Variants in LRRTM4 observed in about 807,000 individuals in gnomAD.
LRRTM4 encodes leucine-rich repeat transmembrane neuronal protein 4.
In LRRTM4, 25 loss-of-function variants were observed where a neutral mutation model predicts 47.6. The ratio of observed to expected loss-of-function variants is 0.53; its 90% confidence interval spans 0.38 to 0.73. LRRTM4 has a LOEUF of 0.73. LRRTM4 is among the 30% of genes least tolerant of loss of function. The pLI is 0.00. For synonymous variants in LRRTM4, 311 were observed against 269.5 expected, an observed-to-expected ratio of 1.15 and a Z score of -1.51; for missense variants, 638 against 713.4, an observed-to-expected ratio of 0.89 and a Z score of 1.20.
At chr2:76,769,984 AC>A (rs1290593149) in intron 3 of LRRTM4, among the ~76,000 whole-genome samples, 1 of 152,164 alleles carries the variant, frequency 6.6e-6, no homozygotes, top group African/African-American at 2.4e-5. Flanking sequence ...ACTCGATCAA[AC>A]CTCTGGGCTT....
Position 77,036,885 on chromosome 2 carries a change from G to T in LRRTM4, c.1552-287969C>A, listed in dbSNP as rs1234566749. On this transcript the variant is annotated intron_variant, in intron 3 of 3. Transcript: ENST00000409884. ...TTAAATCAATCTGCTGATCAAGAAA[G>T]ACATATAGATTATTTATTAACCTAA... 2.6e-5 allele frequency among the ~76,000 whole-genome samples: 4 copies of T among 151,712 alleles called. No homozygotes were observed. The Admixed American group carries it at 2.6e-4, about 10-fold the overall frequency.
chr2:76,983,898 TTG>T (rs1383235879), intron 3 of LRRTM4, among the ~76,000 whole-genome samples: 36 of 152,038 alleles, frequency 2.4e-4, no homozygotes, highest in African/African-American at 8.7e-4. Flanking sequence ...CACAAGAAAG[TTG>T]TGTTTCTAGA....
chr2:77,128,152 A>AAC (rs1558593825), intron 3 of LRRTM4, among the ~76,000 whole-genome samples: 2 of 149,734 alleles, frequency 1.3e-5, no homozygotes, highest in African/African-American at 5.0e-5. Flanking sequence ...CAAAAAAAAA[A>AAC]ACAAAACAAA....
intron 3 of LRRTM4, among the ~76,000 whole-genome samples, chr2:77,142,063 A>G (rs533847048): frequency 6.6e-6 from 1 of 152,224 alleles, no homozygotes; most frequent in African/African-American, 2.4e-5. Flanking sequence ...GCTTGTCAGT[A>G]TAGACAGAGC....
chr2:77,061,962 T>C (rs72825341), intron 3 of LRRTM4, among the ~76,000 whole-genome samples: 16,526 of 152,208 alleles, frequency 0.11, 1,133 homozygotes, highest in East Asian at 0.15. Context: ...TGTAGACTTC[T>C]TGAGAATGTA....
chr2:77,211,194 A>G (rs1024422287), intron 3 of LRRTM4, among the ~76,000 whole-genome samples: 1 of 152,230 alleles, frequency 6.6e-6, no homozygotes, highest in Admixed American at 6.5e-5. Context: ...CCTAAACTCT[A>G]CAGTTGTGAG....
At chr2:77,013,448 G>A (rs536770780) in intron 3 of LRRTM4, among the ~76,000 whole-genome samples, 1 of 151,964 alleles carries the variant, frequency 6.6e-6, no homozygotes, top group African/African-American at 2.4e-5. Flanking sequence ...AGCATTGGAT[G>A]GAAAACTGGT....
At chr2:76,817,661 A>G (rs1205818150) in intron 3 of LRRTM4, among the ~76,000 whole-genome samples, 1 of 151,998 alleles carries the variant, frequency 6.6e-6, no homozygotes, top group Non-Finnish European at 1.5e-5. Context: ...GAATGAGGCT[A>G]TGCCCATATA....
chr2:77,250,241 A>G (rs1366738642), intron 3 of LRRTM4, among the ~76,000 whole-genome samples: 1 of 152,218 alleles, frequency 6.6e-6, no homozygotes, highest in Non-Finnish European at 1.5e-5. Flanking sequence ...TAAATTTGCT[A>G]AAATTCATAG....
intron 3 of LRRTM4, among the ~76,000 whole-genome samples, chr2:77,302,354 A>C (rs1031890566): frequency 1.3e-5 from 2 of 152,224 alleles, no homozygotes; most frequent in Non-Finnish European, 2.9e-5. Context: ...TAAAAATTAA[A>C]CATCTTTGTT....
chr2:77,038,827 A>G (rs1678931007), intron 3 of LRRTM4, among the ~76,000 whole-genome samples: 1 of 151,384 alleles, frequency 6.6e-6, no homozygotes, highest in Non-Finnish European at 1.5e-5. Flanking sequence ...CATGGATCTA[A>G]CCATCTAATG....
intron 3 of LRRTM4, among the ~76,000 whole-genome samples, chr2:77,106,998 T>C (rs1322133722): frequency 2.0e-5 from 3 of 152,066 alleles, no homozygotes; most frequent in African/African-American, 7.2e-5. Context: ...TTTTGAGAAA[T>C]ATAAGCCACA....
intron 3 of LRRTM4, among the ~76,000 whole-genome samples, chr2:77,223,355 C>G (rs1001682243): frequency 1.3e-5 from 2 of 152,066 alleles, no homozygotes; most frequent in African/African-American, 4.8e-5. Flanking sequence ...GACATTCTGG[C>G]CAGGGCAATC....
At chr2:77,429,826 G>A (rs1675291027) in intron 3 of LRRTM4, among the ~76,000 whole-genome samples, 2 of 152,192 alleles carry the variant, frequency 1.3e-5, no homozygotes, top group Non-Finnish European at 2.9e-5. Context: ...AGCACTTTGT[G>A]AGGCCGAGGC....
intron 3 of LRRTM4, among the ~76,000 whole-genome samples, chr2:76,855,738 G>T (rs1672130420): frequency 6.6e-6 from 1 of 152,102 alleles, no homozygotes; most frequent in African/African-American, 2.4e-5. Flanking sequence ...AGAAATCACT[G>T]TCCTGTAGGC....
intron 3 of LRRTM4, among the ~76,000 whole-genome samples, chr2:77,207,280 ATG>A (rs1674154722): frequency 1.4e-5 from 2 of 146,002 alleles, no homozygotes; most frequent in Non-Finnish European, 3.0e-5. Flanking sequence ...ATATATGTAT[ATG>A]TGTGTGTATA....
At chr2:76,885,922 A>G (rs1225101069) in intron 3 of LRRTM4, among the ~76,000 whole-genome samples, 1 of 152,214 alleles carries the variant, frequency 6.6e-6, no homozygotes, top group Non-Finnish European at 1.5e-5. Flanking sequence ...ACTCATTTGA[A>G]GAAACTACAA....
chr2:76,904,187 G>T (rs1673740688), intron 3 of LRRTM4, among the ~76,000 whole-genome samples: 2 of 152,186 alleles, frequency 1.3e-5, no homozygotes, highest in African/African-American at 4.8e-5. Context: ...TGCTTGTTCT[G>T]CTCTATTACA....
At chr2:77,515,255 A>G (rs1469276479) in intron 3 of LRRTM4, among the ~76,000 whole-genome samples, 1 of 151,854 alleles carries the variant, frequency 6.6e-6, no homozygotes, top group African/African-American at 2.4e-5. Context: ...ATTATCCCTC[A>G]TTTTATCAGA....
Sources: allele counts gnomAD v4.1 joint callset (sites outside exome capture counted in the v4.1 genomes callset), GRCh38; gene constraint gnomAD v4.1.1; transcripts MANE v1.5; gene names NCBI Gene and HGNC (gene_info 2026-07-23, HGNC 2026-07-21).